The following NCAM2 variants were observed in gnomAD, a reference collection of about 807,000 sequenced individuals.
NCAM2 encodes the protein neural cell adhesion molecule 2.
A neutral mutation model predicts 98.1 loss-of-function variants in NCAM2; 30 were observed. That is an observed-to-expected ratio of 0.31 (90% CI 0.23 to 0.41). NCAM2 has a LOEUF of 0.41. NCAM2 is among the 10% of genes least tolerant of loss of function. NCAM2 has a pLI of 1.00. For synonymous variants in NCAM2, 368 were observed against 342.4 expected (o/e 1.07, Z -0.83); for missense variants, 867 against 1,005.8 (o/e 0.86, Z 1.87).
intron 1 of NCAM2, among the ~76,000 whole-genome samples, chr21:21,090,729 G>T (rs150650572): frequency 6.6e-6 from 1 of 152,224 alleles, no homozygotes; most frequent in African/African-American, 2.4e-5. Flanking sequence ...TCACTTAGTT[G>T]TTCTTTTGGA....
intron 1 of NCAM2, among the ~76,000 whole-genome samples, chr21:21,156,867 A>G (rs2067629450): frequency 6.6e-6 from 1 of 152,118 alleles, no homozygotes; most frequent in South Asian, 2.1e-4. Context: ...TTGACTAAAA[A>G]GATGACATGT....
At chr21:21,411,117 T>TATAC (rs2076870277) in intron 10 of NCAM2, among the ~76,000 whole-genome samples, 1 of 76,938 alleles carries the variant, frequency 1.3e-5, no homozygotes, top group Non-Finnish European at 3.0e-5. Context: ...TATATGTATA[T>TATAC]ATATATACAC....
In NCAM2 at chr21:21,512,364, T is replaced by A. The variant is rs113735613; in HGVS notation, c.2282+3309T>A. 3.9e-3 allele frequency among the ~76,000 whole-genome samples: 587 copies of A among 152,164 alleles called. 9 individuals are homozygous for A. The highest frequency in any genetic ancestry group is 0.014 in the African/African-American group (566 of 41,562). On this transcript the variant is annotated intron_variant, in intron 16 of 17. Coordinates refer to ENST00000400546, the MANE Select transcript of NCAM2 (RefSeq NM_004540.5). ...TGATGAGACTTCCCTATCTCCAATG[T>A]CTTGGCAGCTATGTTAAAAATAACT...
chr21:21,000,386 G>A (rs997616129), intron 1 of NCAM2, among the ~76,000 whole-genome samples: 1 of 152,150 alleles, frequency 6.6e-6, no homozygotes, highest in African/African-American at 2.4e-5. Context: ...CTCAGTTGTG[G>A]AATCTGAATT....
intron 1 of NCAM2, among the ~76,000 whole-genome samples, chr21:21,212,852 C>T (rs2069714663): frequency 6.6e-6 from 1 of 150,824 alleles, no homozygotes; most frequent in Middle Eastern, 3.2e-3. Flanking sequence ...ACGCCATTCT[C>T]CTGCCTCAGC....
rs2069686724 is a variant in NCAM2, at chr21:21,212,277, C to T, written c.56-68301C>T. ...TTGGATGAATTTTCCACGAATTATGCAGAATGAAAAAAGCCAATTCAAAAA... is the reference window on the plus strand; with the variant it reads ...TTGGATGAATTTTCCACGAATTATGTAGAATGAAAAAAGCCAATTCAAAAA... On this transcript the variant is annotated intron_variant, in intron 1 of 17. Coordinates refer to ENST00000400546, the MANE Select transcript of NCAM2 (RefSeq NM_004540.5). 2.0e-5 allele frequency among the ~76,000 whole-genome samples: 3 copies of T among 152,028 alleles called. No homozygotes were observed. The South Asian group carries it at 6.2e-4, about 32-fold the overall frequency.
chr21:21,289,248 A>T (rs999674617), intron 4 of NCAM2, among the ~76,000 whole-genome samples: 1 of 151,962 alleles, frequency 6.6e-6, no homozygotes. Context: ...AATACACAGG[A>T]TCTATGCTGT....
chr21:21,175,328 A>G (rs1403079716), intron 1 of NCAM2, among the ~76,000 whole-genome samples: 2 of 151,924 alleles, frequency 1.3e-5, no homozygotes, highest in Non-Finnish European at 2.9e-5. Context: ...AGGACAAGAG[A>G]TCGAGACCAT....
At chr21:21,496,133 G>A (rs181997486) in intron 15 of NCAM2, among the ~76,000 whole-genome samples, 2 of 151,604 alleles carry the variant, frequency 1.3e-5, no homozygotes, top group African/African-American at 2.4e-5. Flanking sequence ...GTAGATACCT[G>A]GTAATTGGAT....
intron 1 of NCAM2, among the ~76,000 whole-genome samples, chr21:21,092,361 T>C (rs2205333): frequency 0.64 from 97,893 of 151,818 alleles, 35,040 homozygotes; most frequent in Middle Eastern, 0.8. Context: ...AATTTAAATA[T>C]TAAAAATAAT....
At chr21:21,214,755 TATACACATATATGTA>T (rs2069819041) in intron 1 of NCAM2, among the ~76,000 whole-genome samples, 1 of 84,230 alleles carries the variant, frequency 1.2e-5, no homozygotes, top group Non-Finnish European at 2.8e-5. Flanking sequence ...ATACACTATA[TATACACATATATGTA>T]ATATATATAT....
intron 1 of NCAM2, among the ~76,000 whole-genome samples, chr21:21,234,804 C>A (rs2070755050): frequency 6.6e-6 from 1 of 151,868 alleles, no homozygotes; most frequent in South Asian, 2.1e-4. Context: ...AATGCCTGAC[C>A]AACAGGTCAT....
chr21:21,209,545 G>A (rs2069566937), intron 1 of NCAM2, among the ~76,000 whole-genome samples: 1 of 152,068 alleles, frequency 6.6e-6, no homozygotes, highest in African/African-American at 2.4e-5. Context: ...GTGGGAGCTT[G>A]TGCTGGTCAC....
At chr21:21,331,771 G>A (rs1175657762) in intron 6 of NCAM2, among the ~76,000 whole-genome samples, 1 of 148,640 alleles carries the variant, frequency 6.7e-6, no homozygotes, top group East Asian at 2.1e-4. Flanking sequence ...ATTTTTAGTA[G>A]AGATGGGGTT....
chr21:21,468,378 A>C (rs532401615), intron 13 of NCAM2, among the ~76,000 whole-genome samples: 58 of 152,130 alleles, frequency 3.8e-4, no homozygotes, highest in South Asian at 6.2e-4. Context: ...AAAGTTTTAC[A>C]TTTGTGCAAT....
intron 16 of NCAM2, among the ~76,000 whole-genome samples, chr21:21,516,287 G>A (rs937066073): frequency 6.6e-6 from 1 of 152,050 alleles, no homozygotes; most frequent in African/African-American, 2.4e-5. Context: ...TAACATCAGT[G>A]CTAACAAATG....
chr21:21,322,780 A>G (rs2074410114), intron 5 of NCAM2, among the ~76,000 whole-genome samples: 1 of 152,194 alleles, frequency 6.6e-6, no homozygotes, highest in Admixed American at 6.6e-5. Context: ...AAGACTCAGA[A>G]AACATATGAA....
chr21:21,102,413 A>G (rs772973821), intron 1 of NCAM2, among the ~76,000 whole-genome samples: 1 of 152,008 alleles, frequency 6.6e-6, no homozygotes, highest in African/African-American at 2.4e-5. Flanking sequence ...AGGATTTCTC[A>G]GGTTATATTT....
At chr21:21,252,751 T>C (rs1410072419) in intron 1 of NCAM2, among the ~76,000 whole-genome samples, 1 of 152,140 alleles carries the variant, frequency 6.6e-6, no homozygotes, top group Non-Finnish European at 1.5e-5. Flanking sequence ...ATTCATCTCG[T>C]GTCAAACCTC....
Sources: allele counts gnomAD v4.1 joint callset (sites outside exome capture counted in the v4.1 genomes callset), GRCh38; gene constraint gnomAD v4.1.1; transcripts MANE v1.5; gene names NCBI Gene and HGNC (gene_info 2026-07-23, HGNC 2026-07-21).